The following EMSY variants were observed in gnomAD, a reference collection of about 807,000 sequenced individuals.
EMSY encodes the protein EMSY transcriptional repressor, BRCA2 interacting, also known as BRCA2-interacting transcriptional repressor EMSY.
In EMSY, 26 loss-of-function variants were observed where a neutral mutation model predicts 134.6. The observed-to-expected ratio is 0.19, with a 90% CI of 0.14 to 0.27. EMSY has a LOEUF of 0.27. Among genes scored for constraint, EMSY ranks in the 10% least tolerant of loss-of-function variants. The probability of loss-of-function intolerance (pLI) is 1.00; values close to 1 mark genes in which losing one functional copy is unlikely to be tolerated. For missense variants in EMSY, 1,305 were observed against 1,611.4 expected (o/e 0.81, Z 3.26); for synonymous variants, 579 against 577.8 (o/e 1.00, Z -0.03).
At chr11:76,515,542 T>G (rs11601556) in intron 10 of EMSY, among the ~76,000 whole-genome samples, 5,418 of 152,212 alleles carry the variant, frequency 0.036, 112 homozygotes, top group Middle Eastern at 0.051. Flanking sequence ...AGAGAAAATT[T>G]TAGGCTAAAG....
intron 9 of EMSY, among the ~76,000 whole-genome samples, chr11:76,510,158 A>G (rs1023488242): frequency 6.6e-6 from 1 of 152,204 alleles, no homozygotes; most frequent in Non-Finnish European, 1.5e-5. Context: ...GTTCAAGATC[A>G]CCCTGGACTA....
In EMSY at chr11:76,514,622, T is replaced by C. The variant is rs78265425; in HGVS notation, c.1513+1087T>C. On this transcript the variant is annotated intron_variant, in intron 10 of 20. Coordinates refer to ENST00000334736, the Ensembl canonical transcript of EMSY. ...ATATATATAACATGAAATTTACCAT[T>C]TTCAAATATATAGTTCATTGGCCTT... is the stretch of plus-strand genomic sequence containing the variant. Among the ~76,000 whole-genome samples, 1,378 of 152,286 alleles carry C rather than the reference T, an allele frequency of 9.0e-3. 22 individuals are homozygous for C. Among genetic ancestry groups the C allele is most frequent in the African/African-American group, 0.032 (1,314 of 41,564 alleles).
chr11:76,466,344 T>C (rs1268469958), intron 7 of EMSY, among the ~76,000 whole-genome samples: 1 of 152,228 alleles, frequency 6.6e-6, no homozygotes, highest in Non-Finnish European at 1.5e-5. Flanking sequence ...GCCTTATTTT[T>C]TGTTACTCTT....
At chr11:76,527,212 A>G (rs1167798308) in intron 13 of EMSY, among the ~76,000 whole-genome samples, 2 of 151,916 alleles carry the variant, frequency 1.3e-5, no homozygotes, top group Non-Finnish European at 2.9e-5. Context: ...GGGAAGCACT[A>G]TTAGTTTCGG....
In EMSY at chr11:76,486,574, A is replaced by G. The variant is rs74780521; in HGVS notation, c.1109-9641A>G. On this transcript the variant is annotated intron_variant, in intron 8 of 20. Transcript: ENST00000334736. ...CTGGCACAACCTCTGGCCTGGGACT[A>G]TGTTTAGTGATGATGATCAAAGTAG... Among the ~76,000 whole-genome samples, 895 of 152,196 alleles carry G rather than the reference A, an allele frequency of 5.9e-3. 19 individuals carry two copies. The East Asian group carries it at 0.061, about 10-fold the overall frequency.
intron 19 of EMSY, 75 bp from the exon 21 acceptor site, chr11:76,545,722 T>C: frequency 6.8e-7 from 1 of 1,476,890 alleles, no homozygotes; most frequent in Non-Finnish European, 9.1e-7. Flanking sequence ...TCTTTTGCCA[T>C]ATTGTCTGGG....
chr11:76,457,220 G>A (rs1175273541), intron 4 of EMSY, among the ~76,000 whole-genome samples: 1 of 152,082 alleles, frequency 6.6e-6, no homozygotes, highest in East Asian at 1.9e-4. Flanking sequence ...GAGAATGGGT[G>A]GACATACAGA....
chr11:76,445,860 A>G (rs1307334452), intron 1 of EMSY, among the ~76,000 whole-genome samples: 1 of 151,738 alleles, frequency 6.6e-6, no homozygotes, highest in Non-Finnish European at 1.5e-5. Flanking sequence ...TCTTTATGTC[A>G]TACTGCCGGC....
intron 18 of EMSY, among the ~76,000 whole-genome samples, chr11:76,542,778 A>G (rs963035688): frequency 2.7e-4 from 34 of 126,088 alleles, no homozygotes; most frequent in African/African-American, 9.6e-4. Context: ...TGCTTTTATA[A>G]TGAATCCTCA....
chr11:76,486,807 A>G (rs1276580373), intron 8 of EMSY, among the ~76,000 whole-genome samples: 1 of 152,246 alleles, frequency 6.6e-6, no homozygotes, highest in Non-Finnish European at 1.5e-5. Flanking sequence ...CAAGGTGGTC[A>G]TAATAGTGAT....
intron 9 of EMSY, among the ~76,000 whole-genome samples, chr11:76,510,109 C>G (rs1950221694): frequency 1.3e-5 from 2 of 152,198 alleles, no homozygotes. Flanking sequence ...AATCCCAGAT[C>G]TTTGGGAGGC....
At chr11:76,503,230 G>A (rs1949944323) in intron 9 of EMSY, among the ~76,000 whole-genome samples, 1 of 151,114 alleles carries the variant, frequency 6.6e-6, no homozygotes, top group South Asian at 2.1e-4. Flanking sequence ...GTACCTGAGA[G>A]GCGGAGGTTG....
intron 8 of EMSY, among the ~76,000 whole-genome samples, chr11:76,491,174 TTTC>T (rs1949407642): frequency 7.4e-6 from 1 of 135,120 alleles, no homozygotes; most frequent in African/African-American, 2.7e-5. Flanking sequence ...CTTCTTCTTT[TTTC>T]TTTTTTTTTT....
intron 5 of EMSY, 76 bp from the exon 7 acceptor site, chr11:76,459,857 C>T (rs1643641960): frequency 1.3e-6 from 2 of 1,537,906 alleles, no homozygotes; most frequent in South Asian, 1.2e-5. Context: ...AATTGGCCTG[C>T]AATAAAAATA....
chr11:76,482,942 CATA>C (rs1349557639), intron 8 of EMSY, among the ~76,000 whole-genome samples: 1 of 152,156 alleles, frequency 6.6e-6, no homozygotes, highest in Admixed American at 6.5e-5. Flanking sequence ...CCCCAAGACA[CATA>C]ATCGTCAGAT....
At chr11:76,510,350 AAATT>A (rs1384758159) in intron 9 of EMSY, among the ~76,000 whole-genome samples, 5 of 152,234 alleles carry the variant, frequency 3.3e-5, no homozygotes, top group Non-Finnish European at 1.5e-5. Context: ...ACCTTGCCTA[AAATT>A]AATTAATATA....
intron 9 of EMSY, among the ~76,000 whole-genome samples, chr11:76,506,760 T>C (rs1950094595): frequency 6.6e-6 from 1 of 152,228 alleles, no homozygotes; most frequent in East Asian, 1.9e-4. Context: ...CGTACATTAC[T>C]GGTAGGAAAA....
At chr11:76,489,745 T>G (rs1949344208) in intron 8 of EMSY, among the ~76,000 whole-genome samples, 1 of 151,960 alleles carries the variant, frequency 6.6e-6, no homozygotes, top group South Asian at 2.1e-4. Flanking sequence ...GCTCAGATTA[T>G]GGGCGTGCAC....
intron 4 of EMSY, among the ~76,000 whole-genome samples, chr11:76,455,882 A>G (rs373699265): frequency 6.6e-6 from 1 of 152,162 alleles, no homozygotes; most frequent in African/African-American, 2.4e-5. Context: ...GAAAGTGTCT[A>G]TCTGGAATTT....
Sources: gnomAD v4.1 joint callset for allele counts (sites outside exome capture counted in the v4.1 genomes callset) on GRCh38, gnomAD v4.1.1 for gene constraint, MANE v1.5 for transcripts, NCBI Gene and HGNC (gene_info 2026-07-23, HGNC 2026-07-21) for gene names.